GTF3A: variants seen among roughly 807,000 people sequenced by gnomAD.
GTF3A encodes general transcription factor IIIA.
In GTF3A, 40 loss-of-function variants were observed where a neutral mutation model predicts 37.6. The ratio of observed to expected loss-of-function variants is 1.06; its 90% CI spans 0.83 to 1.38. GTF3A has a LOEUF of 1.38. Among genes scored for constraint, GTF3A ranks in the 40% most tolerant of loss-of-function variants. GTF3A has a pLI of 0.00. For missense variants in GTF3A, 500 were observed against 462.6 expected (o/e 1.08, Z -0.74); for synonymous variants, 191 against 166.7 (o/e 1.15, Z -1.12).
At chr13:27,433,024 A>G (rs984219415) in intron 5 of GTF3A, among the ~76,000 whole-genome samples, 5 of 152,148 alleles carry the variant, frequency 3.3e-5, no homozygotes, top group African/African-American at 1.2e-4. Flanking sequence ...TTTGTTCACA[A>G]CAAGCGCCTG....
intron 5 of GTF3A, among the ~76,000 whole-genome samples, chr13:27,433,077 G>A (rs1953672237): frequency 6.6e-6 from 1 of 152,118 alleles, no homozygotes; most frequent in Non-Finnish European, 1.5e-5. Context: ...TCCAGCCATG[G>A]CTTTGATGCT....
intron 5 of GTF3A, 40 bp downstream of exon 5, chr13:27,432,844 C>T (rs1953669838): frequency 1.1e-5 from 17 of 1,511,788 alleles, no homozygotes; most frequent in Non-Finnish European, 1.5e-5. Context: ...AGGGGGATGC[C>T]AAATCCTGGG....
At chr13:27,435,397 T>G (rs141371593) in intron 8 of GTF3A, 36 bp from the exon 9 acceptor site, 1 of 1,593,384 alleles carries the variant, frequency 6.3e-7, no homozygotes, top group Non-Finnish European at 8.6e-7. Context: ...AGTTTTGATT[T>G]TGAATTCTAA....
chr13:27,431,659 A>G (rs902086945), intron 4 of GTF3A, among the ~76,000 whole-genome samples: 1 of 152,126 alleles, frequency 6.6e-6, no homozygotes, highest in African/African-American at 2.4e-5. Flanking sequence ...GTGAGGGATG[A>G]AAGACTACAT....
chr13:27,425,924 C>G (rs1459996660), intron 1 of GTF3A: 1 of 152,654 alleles, frequency 6.6e-6, no homozygotes, highest in African/African-American at 2.4e-5. Context: ...AGGCCGACCG[C>G]TTCTTCCTTG....
At chr13:27,431,302 GA>G (rs2138025606) in intron 4 of GTF3A, among the ~76,000 whole-genome samples, 1 of 152,254 alleles carries the variant, frequency 6.6e-6, no homozygotes, top group African/African-American at 2.4e-5. Context: ...CTGGTCAAAG[GA>G]AAAGAAGTCA....
intron 5 of GTF3A, 36 bp downstream of exon 5, chr13:27,432,840 A>T: frequency 6.5e-7 from 1 of 1,537,728 alleles, no homozygotes; most frequent in Non-Finnish European, 8.9e-7. Flanking sequence ...TCCGAGGGGG[A>T]TGCCAAATCC....
intron 4 of GTF3A, 116 bp from the exon 5 acceptor site, chr13:27,432,615 T>G: frequency 2.6e-6 from 2 of 767,246 alleles, no homozygotes; most frequent in Non-Finnish European, 4.5e-6. Flanking sequence ...TAACATGGGT[T>G]TGGTTATGGG....
chr13:27,434,390 GTC>G (rs1953689107), intron 6 of GTF3A, among the ~76,000 whole-genome samples, 171 bp downstream of exon 6: 1 of 152,208 alleles, frequency 6.6e-6, no homozygotes, highest in African/African-American at 2.4e-5. Flanking sequence ...GCTGTGCCAG[GTC>G]TCTGAGCCAC....
chr13:27,425,158 C>A, intron 1 of GTF3A: 2 of 497,202 alleles, frequency 4.0e-6, no homozygotes, highest in South Asian at 6.2e-5. Context: ...ACTAAGCAGT[C>A]ATTGATCGTG....
chr13:27,429,775 G>A (rs528331042), intron 2 of GTF3A, 95 bp from the exon 3 acceptor site: 3 of 609,372 alleles, frequency 4.9e-6, no homozygotes, highest in Admixed American at 7.2e-5. Flanking sequence ...CTATTCTTTG[G>A]AAGAATTAGC....
At chr13:27,426,547 G>A (rs1953606523) in intron 1 of GTF3A, among the ~76,000 whole-genome samples, 2 of 152,202 alleles carry the variant, frequency 1.3e-5, no homozygotes, top group Admixed American at 1.3e-4. Flanking sequence ...GTTACAAAAG[G>A]TGGTTGCATT....
intron 4 of GTF3A, 53 bp from the exon 5 acceptor site, chr13:27,432,678 C>G: frequency 2.8e-6 from 4 of 1,430,484 alleles, no homozygotes; most frequent in Admixed American, 3.9e-5. Flanking sequence ...TGACCTTGAG[C>G]GGAGTTCTCT....
chr13:27,434,416 A>G (rs1329304102), intron 6 of GTF3A, among the ~76,000 whole-genome samples, 197 bp downstream of exon 6: 2 of 152,230 alleles, frequency 1.3e-5, no homozygotes, highest in Admixed American at 6.5e-5. Flanking sequence ...ACCATGCACA[A>G]TTAGCATGCT....
rs898130313 is a variant in GTF3A at position 27,424,762 on chromosome 13, G to C, written c.25G>C (p.Glu9Gln). ...CCTGGATCCGCCGGCCGTGGTCGCC[G>C]AGTCGGTGTCGTCCTTGACCATCGC... is the stretch of plus-strand genomic sequence containing the variant. The change falls in exon 1 of 9, where the codon GAG (glutamate) becomes CAG (glutamine). Residue 9 changes from glutamate to glutamine, a missense_variant. Transcript: ENST00000381140. 3 of 1,487,564 alleles carry C rather than the reference G, an allele frequency of 2.0e-6. No individual in the cohort carries two copies. The highest frequency in any genetic ancestry group is 2.3e-5 in the Admixed American group (1 of 43,318). 92.1% of individuals were successfully genotyped at this position (1,487,564 alleles called of 1,614,324 possible).
chr13:27,429,921 G>C lies in GTF3A; in HGVS notation c.354G>C (p.Lys118Asn), dbSNP rs1276596350. ...AATTCAACACAAAATCAAACTTGAA[G>C]AAACATTTTGAACGCAAACATGAAA... The change falls in exon 3 of 9, where the codon AAG (lysine) becomes AAC (asparagine). Residue 118 changes from lysine (K) to asparagine (N), a missense_variant. Transcript: ENST00000381140. The C allele has an allele frequency of 3.9e-6, 6 of 1,538,146 alleles. No homozygotes were observed.
Position 27,434,795 on chromosome 13 carries a change from G to T in GTF3A, c.644-10G>T. ...GGAAATTTGTGAAATTTGTCTGTCT[G>T]TCCCACCAGAGGAAATACTATGTGA... is the stretch of plus-strand genomic sequence containing the variant. On this transcript the variant is annotated splice_polypyrimidine_tract_variant and intron_variant, in intron 6 of 8. Coordinates refer to ENST00000381140, the MANE Select transcript of GTF3A (RefSeq NM_002097.3). 6.5e-7 allele frequency: 1 copy of T among 1,543,138 alleles called. No individual in the cohort carries two copies. Among genetic ancestry groups the T allele is most frequent in the Non-Finnish European group, 8.9e-7 (1 of 1,121,750 alleles).
intron 4 of GTF3A, among the ~76,000 whole-genome samples, 176 bp from the exon 5 acceptor site, chr13:27,432,555 C>T (rs1458935245): frequency 6.6e-6 from 1 of 152,118 alleles, no homozygotes; most frequent in Non-Finnish European, 1.5e-5. Flanking sequence ...TTGTTTTGTC[C>T]TAAAGCTGGT....
chr13:27,434,749 T>C, intron 6 of GTF3A, 56 bp from the exon 7 acceptor site: 1 of 965,246 alleles, frequency 1.0e-6, no homozygotes, highest in Admixed American at 2.3e-5. Context: ...GTATTAATTT[T>C]TTCTAAATGG....
Sources: gnomAD v4.1 joint callset for allele counts (sites outside exome capture counted in the v4.1 genomes callset) on GRCh38, gnomAD v4.1.1 for gene constraint, MANE v1.5 for transcripts, NCBI Gene and HGNC (gene_info 2026-07-23, HGNC 2026-07-21) for gene names.